Variants in ROBO2 observed in about 807,000 individuals in gnomAD.
ROBO2 encodes roundabout homolog 2.
In ROBO2, 53 loss-of-function variants were observed where a neutral mutation model predicts 160.8. The ratio of observed to expected loss-of-function variants is 0.33; its 90% confidence interval spans 0.26 to 0.41. The LOEUF (loss-of-function observed/expected upper bound fraction) is 0.41. ROBO2 is among the 10% of genes least tolerant of loss of function. The pLI, the probability that ROBO2 is intolerant of heterozygous loss-of-function variation, is 1.00. For synonymous variants in ROBO2, 664 were observed against 611.7 expected (o/e 1.09, Z -1.26); for missense variants, 1,577 against 1,722.4 (o/e 0.92, Z 1.49).
intron 2 of ROBO2, among the ~76,000 whole-genome samples, chr3:76,986,495 T>C (rs1181092163): frequency 1.3e-5 from 2 of 152,110 alleles, no homozygotes; most frequent in African/African-American, 2.4e-5. Flanking sequence ...CCCAAGAACA[T>C]ACTAATGTTC....
intron 2 of ROBO2, among the ~76,000 whole-genome samples, chr3:77,355,114 C>T (rs373655540): frequency 6.7e-6 from 1 of 149,610 alleles, no homozygotes; most frequent in African/African-American, 2.5e-5. Flanking sequence ...ATGATCAACC[C>T]TTCCTCCCAT....
At chr3:77,040,489 G>C in exon 1 of ROBO2, 1 of 1,289,758 alleles carries the variant, frequency 7.8e-7, no homozygotes, top group Non-Finnish European at 9.9e-7. Flanking sequence ...GAGAGGGTTA[G>C]ACACACTCGA....
intron 2 of ROBO2, among the ~76,000 whole-genome samples, chr3:77,175,329 T>G (rs1253088240): frequency 6.6e-6 from 1 of 152,034 alleles, no homozygotes; most frequent in African/African-American, 2.4e-5. Context: ...AGAATTAGTT[T>G]GGGTTTTTGG....
rs542445789 is a variant in ROBO2 at position 77,193,587 on chromosome 3, C to T, written c.388+95247C>T. On this transcript the variant is annotated intron_variant, in intron 2 of 25. Transcript: ENST00000461745. ...TAATCTTCTATGTACTTACATTAAC[C>T]AAGTAATTTCACAGACAAATTTCCT... Among the ~76,000 whole-genome samples the T allele has an allele frequency of 5.9e-5, 9 of 152,068 alleles. No homozygotes were observed. The East Asian group carries it at 1.7e-3, about 29-fold the overall frequency.
chr3:76,451,858 T>G (rs776301660), intron 2 of ROBO2, among the ~76,000 whole-genome samples: 4 of 152,172 alleles, frequency 2.6e-5, no homozygotes, highest in Non-Finnish European at 5.9e-5. Context: ...AAGCTCCTCT[T>G]GGCTGCAAGA....
intron 2 of ROBO2, among the ~76,000 whole-genome samples, chr3:76,090,230 G>A (rs2069175599): frequency 6.6e-6 from 1 of 152,066 alleles, no homozygotes; most frequent in East Asian, 1.9e-4. Context: ...GGAAATTGAG[G>A]CGGGCAGATC....
intron 2 of ROBO2, among the ~76,000 whole-genome samples, chr3:76,253,557 G>T (rs1576113522): frequency 6.7e-6 from 1 of 150,174 alleles, no homozygotes; most frequent in Admixed American, 6.8e-5. Context: ...ACAGACATGA[G>T]TCACCAAACC....
At chr3:76,880,142 T>A (rs2073185964) in intron 2 of ROBO2, among the ~76,000 whole-genome samples, 1 of 152,140 alleles carries the variant, frequency 6.6e-6, no homozygotes, top group Non-Finnish European at 1.5e-5. Context: ...GTCAGAACAG[T>A]CCTTTAATGT....
intron 2 of ROBO2, among the ~76,000 whole-genome samples, chr3:77,427,950 C>G (rs1334089274): frequency 6.6e-6 from 1 of 152,136 alleles, no homozygotes; most frequent in Non-Finnish European, 1.5e-5. Context: ...AACCATTAGC[C>G]ATTTCTTTTC....
At chr3:76,708,999 G>A (rs1221715008) in intron 2 of ROBO2, among the ~76,000 whole-genome samples, 1 of 152,046 alleles carries the variant, frequency 6.6e-6, no homozygotes, top group African/African-American at 2.4e-5. Context: ...GGTAGATGAG[G>A]GTGCCATTTA....
At chr3:77,614,535 G>A (rs1428451974) in intron 21 of ROBO2, among the ~76,000 whole-genome samples, 5 of 152,044 alleles carry the variant, frequency 3.3e-5, no homozygotes, top group African/African-American at 4.8e-5. Context: ...AAACCATACA[G>A]GGCTTCTGAA....
At chr3:76,371,381 T>C (rs1244167507) in intron 2 of ROBO2, among the ~76,000 whole-genome samples, 1 of 151,968 alleles carries the variant, frequency 6.6e-6, no homozygotes, top group East Asian at 1.9e-4. Context: ...CATACTGTAT[T>C]GACTGCACAT....
intron 2 of ROBO2, among the ~76,000 whole-genome samples, chr3:76,715,683 CA>C: frequency 6.6e-6 from 1 of 152,226 alleles, no homozygotes; most frequent in African/African-American, 2.4e-5. Context: ...TGAAAGAAAC[CA>C]AAATCTATAA....
intron 2 of ROBO2, among the ~76,000 whole-genome samples, chr3:77,166,844 C>G (rs528906857): frequency 1.3e-5 from 2 of 152,214 alleles, no homozygotes; most frequent in Non-Finnish European, 2.9e-5. Context: ...CAGGCGTGAG[C>G]CCCCGCGCCC....
chr3:77,414,045 A>G (rs966052609), intron 2 of ROBO2, among the ~76,000 whole-genome samples: 1 of 152,118 alleles, frequency 6.6e-6, no homozygotes, highest in African/African-American at 2.4e-5. Context: ...GGATCAGTTC[A>G]TTTTTAAAGA....
intron 22 of ROBO2, among the ~76,000 whole-genome samples, chr3:77,619,827 G>A (rs1309889039): frequency 6.6e-6 from 1 of 152,144 alleles, no homozygotes; most frequent in Non-Finnish European, 1.5e-5. Flanking sequence ...AGAGGGCAAA[G>A]GCCTAACCTC....
chr3:77,208,926 G>A (rs1379178765), intron 2 of ROBO2, among the ~76,000 whole-genome samples: 3 of 152,058 alleles, frequency 2.0e-5, no homozygotes, highest in Non-Finnish European at 4.4e-5. Context: ...CCACTGGAGT[G>A]CTTTAAATAA....
chr3:76,571,048 G>C (rs1462469705), intron 2 of ROBO2, among the ~76,000 whole-genome samples: 4 of 152,102 alleles, frequency 2.6e-5, no homozygotes, highest in Non-Finnish European at 5.9e-5. Flanking sequence ...CGGAAGATGA[G>C]AGATCATATT....
At chr3:76,323,350 A>G (rs1316798840) in intron 2 of ROBO2, among the ~76,000 whole-genome samples, 1 of 152,118 alleles carries the variant, frequency 6.6e-6, no homozygotes, top group Admixed American at 6.5e-5. Context: ...ATTCGAATTC[A>G]TCAATCTGTA....
Sources: gnomAD v4.1 joint callset for allele counts (sites outside exome capture counted in the v4.1 genomes callset) on GRCh38, gnomAD v4.1.1 for gene constraint, MANE v1.5 for transcripts, NCBI Gene and HGNC (gene_info 2026-07-23, HGNC 2026-07-21) for gene names.